The following CDH12 variants were observed in gnomAD, a reference collection of about 807,000 sequenced individuals.
CDH12 encodes the protein cadherin 12.
CDH12 carries 41 observed loss-of-function variants against 74.1 expected under a neutral mutation model. The observed-to-expected ratio is 0.55, with a 90% CI of 0.43 to 0.72. The LOEUF (loss-of-function observed/expected upper bound fraction) is 0.72, where lower values mean the gene tolerates loss of function less well. Among genes scored for constraint, CDH12 ranks in the 30% least tolerant of loss-of-function variants. The probability of loss-of-function intolerance (pLI) is 0.00; values close to 1 mark genes in which losing one functional copy is unlikely to be tolerated. For missense variants in CDH12, 945 were observed against 977.2 expected (o/e 0.97, Z 0.44); for synonymous variants, 399 against 355.0 (o/e 1.12, Z -1.39).
At chr5:21,987,495 C>T (rs1440054090) in intron 5 of CDH12, among the ~76,000 whole-genome samples, 1 of 152,166 alleles carries the variant, frequency 6.6e-6, no homozygotes, top group Non-Finnish European at 1.5e-5. Flanking sequence ...GATCTAAAGG[C>T]ATCATCTGAA....
At chr5:22,673,291 A>G (rs1476599231) in intron 1 of CDH12, among the ~76,000 whole-genome samples, 1 of 152,192 alleles carries the variant, frequency 6.6e-6, no homozygotes, top group Non-Finnish European at 1.5e-5. Context: ...TACAATTTTA[A>G]GTAGAGTAAC....
chr5:22,603,310 T>C (rs1580808058), intron 1 of CDH12, among the ~76,000 whole-genome samples: 1 of 152,090 alleles, frequency 6.6e-6, no homozygotes, highest in African/African-American at 2.4e-5. Context: ...TGCTAAGATG[T>C]TGGTAAAAAT....
chr5:21,887,454 C>T (rs1752689153), intron 6 of CDH12, among the ~76,000 whole-genome samples: 1 of 152,134 alleles, frequency 6.6e-6, no homozygotes, highest in Non-Finnish European at 1.5e-5. Flanking sequence ...TGAAACACTT[C>T]TGATGAATAG....
At chr5:22,276,883 A>T (rs954365489) in intron 3 of CDH12, among the ~76,000 whole-genome samples, 10 of 152,298 alleles carry the variant, frequency 6.6e-5, no homozygotes, top group African/African-American at 2.2e-4. Flanking sequence ...AATGTATTTA[A>T]ATCTCACAAT....
chr5:21,751,651 T>TGA lies in CDH12; in HGVS notation c.*84_*85dup, dbSNP rs1554025875. Reference sequence around the variant, plus strand: ...GTGTGTTTGTGTGTGTGTGTGTGTGTGAGAGAGATTTCTATTAATATTTGT... The same window carrying TGA: ...GTGTGTTTGTGTGTGTGTGTGTGTGTGAGAGAGAGATTTCTATTAATATTTGT... On this transcript the variant is annotated 3_prime_UTR_variant, in exon 15 of 15. Transcript: ENST00000382254. 627 of 959,234 alleles carry TGA rather than the reference T, an allele frequency of 6.5e-4. 1 individual carries two copies. Among genetic ancestry groups the TGA allele is most frequent in the African/African-American group, 3.4e-3 (200 of 59,572 alleles). 59.4% of individuals were successfully genotyped at this position (959,234 alleles called of 1,614,324 possible).
intron 4 of CDH12, among the ~76,000 whole-genome samples, chr5:22,082,824 G>T (rs1426631181): frequency 6.6e-6 from 1 of 152,134 alleles, no homozygotes; most frequent in East Asian, 1.9e-4. Context: ...CCCACATTCT[G>T]TTCTTACTTT....
chr5:22,504,790 T>C (rs1736314557), intron 2 of CDH12, among the ~76,000 whole-genome samples: 1 of 152,058 alleles, frequency 6.6e-6, no homozygotes, highest in Non-Finnish European at 1.5e-5. Context: ...AGAGAAAATT[T>C]ATGACTTTAT....
At chr5:22,368,612 A>C (rs1741137377) in intron 3 of CDH12, among the ~76,000 whole-genome samples, 1 of 151,988 alleles carries the variant, frequency 6.6e-6, no homozygotes, top group Non-Finnish European at 1.5e-5. Context: ...ATATGTATTT[A>C]GTTTTAATTT....
At chr5:22,507,512 A>T (rs1736437697) in intron 1 of CDH12, among the ~76,000 whole-genome samples, 1 of 152,144 alleles carries the variant, frequency 6.6e-6, no homozygotes, top group African/African-American at 2.4e-5. Flanking sequence ...GGGATAACTT[A>T]TTTTCTGAAA....
chr5:22,008,330 A>C (rs1737086010), intron 5 of CDH12, among the ~76,000 whole-genome samples: 1 of 151,978 alleles, frequency 6.6e-6, no homozygotes. Flanking sequence ...CCTGGGTTCA[A>C]GCAAATCTCC....
Position 22,103,100 on chromosome 5 carries a change from C to T in CDH12, c.-186-24238G>A, listed in dbSNP as rs570385926. Reference sequence around the variant, plus strand: ...AGCAGATGCCTGCTCTGACTTTCAGCACTTAGAGACAGGCAGATAGGTGAC... The same window carrying T: ...AGCAGATGCCTGCTCTGACTTTCAGTACTTAGAGACAGGCAGATAGGTGAC... On this transcript the variant is annotated intron_variant, in intron 4 of 14. Transcript: ENST00000382254. Among the ~76,000 whole-genome samples the T allele has an allele frequency of 6.6e-5, 10 of 152,244 alleles. No individual in the cohort carries two copies. In the South Asian group the frequency reaches 2.1e-3, roughly 32 times the overall value.
chr5:22,108,889 G>A (rs1173061444), intron 4 of CDH12, among the ~76,000 whole-genome samples: 1 of 152,082 alleles, frequency 6.6e-6, no homozygotes, highest in Non-Finnish European at 1.5e-5. Flanking sequence ...GAAAATGAAA[G>A]CTGTATGTAT....
At chr5:22,412,464 T>C (rs1743205083) in intron 2 of CDH12, among the ~76,000 whole-genome samples, 1 of 151,910 alleles carries the variant, frequency 6.6e-6, no homozygotes, top group South Asian at 2.1e-4. Flanking sequence ...AAATGGTGAA[T>C]AAAAACCCAC....
chr5:22,183,571 T>G (rs904104026), intron 4 of CDH12, among the ~76,000 whole-genome samples: 1 of 152,212 alleles, frequency 6.6e-6, no homozygotes, highest in Non-Finnish European at 1.5e-5. Context: ...TGATTTCTTC[T>G]CGTGAAATTT....
Position 22,078,725 on chromosome 5 carries a change from G to A in CDH12, c.-49C>T, listed in dbSNP as rs748409254. On this transcript the variant is annotated 5_prime_UTR_variant, in exon 5 of 15. The change creates a new upstream start codon in the 5' untranslated region. Transcript: ENST00000382254. The stretch of plus-strand genomic sequence containing the variant: ...AGTAATAAAAACTCCAACACTTAAC[G>A]TAGAATTGTGGAATCCAGGTTTGAG... 15 of 1,594,474 alleles carry A rather than the reference G, an allele frequency of 9.4e-6. No homozygotes were observed. In the South Asian group the frequency reaches 1.1e-4, roughly 12 times the overall value.
At chr5:21,794,312 T>G (rs560448714) in intron 10 of CDH12, among the ~76,000 whole-genome samples, 1 of 151,896 alleles carries the variant, frequency 6.6e-6, no homozygotes, top group South Asian at 2.1e-4. Flanking sequence ...AAATGATTTT[T>G]CAGTTTCTTT....
intron 6 of CDH12, among the ~76,000 whole-genome samples, chr5:21,898,428 C>A (rs188175480): frequency 3.3e-5 from 5 of 152,188 alleles, no homozygotes; most frequent in Non-Finnish European, 7.4e-5. Flanking sequence ...AAAGGCCAGG[C>A]GCGGTGGCTC....
chr5:22,692,313 AT>A (rs1253670741), intron 1 of CDH12, among the ~76,000 whole-genome samples: 1 of 152,188 alleles, frequency 6.6e-6, no homozygotes, highest in Non-Finnish European at 1.5e-5. Flanking sequence ...TTTTTTGAAA[AT>A]AAATTATCCA....
chr5:22,816,040 T>A lies in CDH12; in HGVS notation c.-523+37018A>T, dbSNP rs1581028928. 2.0e-5 allele frequency among the ~76,000 whole-genome samples: 3 copies of A among 152,274 alleles called. No homozygotes were observed. In the East Asian group the frequency reaches 5.8e-4, roughly 29 times the overall value. On this transcript the variant is annotated intron_variant, in intron 1 of 14. Coordinates refer to ENST00000382254, the MANE Select transcript of CDH12 (RefSeq NM_004061.5). ...AAGGGCAATGGCAATACCACCATTA[T>A]GAATGCAGCGATTTTACTTGGTTCT...
Sources: gnomAD v4.1 joint callset for allele counts (sites outside exome capture counted in the v4.1 genomes callset) on GRCh38, gnomAD v4.1.1 for gene constraint, MANE v1.5 for transcripts, NCBI Gene and HGNC (gene_info 2026-07-23, HGNC 2026-07-21) for gene names.